SLC52A3: variants seen among roughly 807,000 people sequenced by gnomAD.
SLC52A3 encodes the protein solute carrier family 52 member 3.
A neutral mutation model predicts 29.5 loss-of-function variants in SLC52A3; 20 were observed. The ratio of observed to expected loss-of-function variants is 0.68; its 90% confidence interval spans 0.48 to 0.99. The LOEUF (loss-of-function observed/expected upper bound fraction) is 0.99. SLC52A3 is among the 50% of genes least tolerant of loss of function. SLC52A3 has a pLI of 0.00. For missense variants in SLC52A3, 548 were observed against 612.9 expected, an observed-to-expected ratio of 0.89 and a Z score of 1.12; for synonymous variants, 301 against 271.0, an observed-to-expected ratio of 1.11 and a Z score of -1.09.
In SLC52A3 at chr20:761,187, G is replaced by C; in HGVS notation, c.1249C>G (p.Leu417Val). ...SGCLSYVKVMLGVVLRDLSRS... is the reference protein window; with the variant it reads ...SGCLSYVKVMVGVVLRDLSRS... ...CTGAGGTCGCGCAGGACCACGCCCA[G>C]CATCACCTTGACGTAACTGAGGCAG... is the stretch of plus-strand genomic sequence containing the variant. The change falls in exon 5 of 5, where the codon CTG becomes GTG. Residue 417 changes from leucine to valine, a missense_variant. Around this residue, in one of 2 missense-constraint regions of SLC52A3, gnomAD observed 173 missense variants for 141.8 expected, o/e 1.22. Coordinates refer to ENST00000645534, the MANE Select transcript of SLC52A3 (RefSeq NM_033409.4). 1 of 1,568,478 alleles carries C rather than the reference G, an allele frequency of 6.4e-7. No homozygotes were observed. Among genetic ancestry groups the C allele is most frequent in the Non-Finnish European group, 8.6e-7 (1 of 1,158,312 alleles).
chr20:766,414 G>A (rs1382134167), intron 1 of SLC52A3: 1 of 153,534 alleles, frequency 6.5e-6, no homozygotes, highest in Admixed American at 6.4e-5. Flanking sequence ...CACAGACAAA[G>A]GGCTCATCTT....
At position 761,025 on chromosome 20, in the gene SLC52A3, C is replaced by T. The variant is rs1286371291; in HGVS notation, c.*1G>A. ...CGATGGGGGCGGGGTCGGCGGCCTG[C>T]CTAGGCTGGACAGTGCAGATTGCAG... On this transcript the variant is annotated 3_prime_UTR_variant, in exon 5 of 5. Coordinates refer to ENST00000645534, the MANE Select transcript of SLC52A3 (RefSeq NM_033409.4). 1 of 1,600,990 alleles carries T rather than the reference C, an allele frequency of 6.2e-7. No individual in the cohort carries two copies. Among genetic ancestry groups the T allele is most frequent in the Non-Finnish European group, 8.5e-7 (1 of 1,175,016 alleles).
At chr20:768,176 A>G (rs1176005870) in intron 1 of SLC52A3, 121 bp downstream of exon 1, 1 of 152,224 alleles carries the variant, frequency 6.6e-6, no homozygotes, top group African/African-American at 2.4e-5. Context: ...ACTGATCATT[A>G]TCGTGAAATG....
intron 3 of SLC52A3, among the ~76,000 whole-genome samples, chr20:763,230 T>A (rs1206544997): frequency 6.6e-6 from 1 of 152,240 alleles, no homozygotes; most frequent in Non-Finnish European, 1.5e-5. Flanking sequence ...AAGAGCTTTA[T>A]AGAATCAGCT....
upstream of SLC52A3, among the ~76,000 whole-genome samples, chr20:770,501 T>G (rs1986815516): frequency 6.6e-6 from 1 of 152,250 alleles, no homozygotes; most frequent in Admixed American, 6.5e-5. The surrounding 1 kb of genome is among the most constrained non-coding windows in gnomAD (Gnocchi z 4.5). Flanking sequence ...ATGTAAAAAC[T>G]GTTTTTGAAG....
At position 764,628 on chromosome 20, in the gene SLC52A3, AC is replaced by A. The variant is rs1483472707; in HGVS notation, c.567+579del. 9.8e-5 allele frequency among the ~76,000 whole-genome samples: 15 copies of A among 152,300 alleles called. No individual in the cohort carries two copies. The East Asian group carries it at 2.9e-3, about 29-fold the overall frequency. ...TGACTGTAGGAGGCCAGAATATGCC[AC>A]CCCAAAATTGACCTATTGGCATATT... On this transcript the variant is annotated intron_variant, in intron 2 of 4. Transcript: ENST00000645534.
At chr20:773,432 C>A (rs892648688), upstream of SLC52A3, among the ~76,000 whole-genome samples, 24 of 152,150 alleles carry the variant, frequency 1.6e-4, no homozygotes, top group African/African-American at 5.8e-4. Flanking sequence ...CAGCTGGGAG[C>A]TGAGCTTTAC....
chr20:772,983 G>C (rs558725517), upstream of SLC52A3, among the ~76,000 whole-genome samples: 12 of 152,352 alleles, frequency 7.9e-5, no homozygotes, highest in South Asian at 1.7e-3. Flanking sequence ...TAGGAGGCCA[G>C]TGTGGCCGCA....
intron 1 of SLC52A3, among the ~76,000 whole-genome samples, chr20:766,591 G>A (rs1986692614): frequency 6.6e-6 from 1 of 151,638 alleles, no homozygotes; most frequent in African/African-American, 2.4e-5. Context: ...AGCACCTTGT[G>A]ACCCCCACCC....
At chr20:777,160 C>A (rs1029830889), upstream of SLC52A3, among the ~76,000 whole-genome samples, 1 of 151,808 alleles carries the variant, frequency 6.6e-6, no homozygotes, top group South Asian at 2.1e-4. Context: ...TGCTTGAGCC[C>A]GGGAGGCGGA....
At chr20:762,700 A>G (rs1412928642) in intron 3 of SLC52A3, among the ~76,000 whole-genome samples, 1 of 152,118 alleles carries the variant, frequency 6.6e-6, no homozygotes, top group Non-Finnish European at 1.5e-5. Flanking sequence ...TCCTCTTTCC[A>G]GTTTCTAGGT....
chr20:772,157 G>C (rs1048214922), upstream of SLC52A3, among the ~76,000 whole-genome samples: 1 of 152,258 alleles, frequency 6.6e-6, no homozygotes, highest in African/African-American at 2.4e-5. Flanking sequence ...AGACAGGGCA[G>C]AAGTAGCCTC....
rs2122524311 is a variant in SLC52A3, at chr20:765,253, G to A, written c.522C>T (p.Asp174=). ...TTCVNVTEIS[D]SVPSPVPTRE... is the part of the protein sequence containing the mutation. Reference sequence around the variant, plus strand: ...TCGTGGGTACAGGGCTTGGTACGCTGTCTGATATCTCAGTGACATTGACGC... The same window carrying A: ...TCGTGGGTACAGGGCTTGGTACGCTATCTGATATCTCAGTGACATTGACGC... The change falls in exon 2 of 5, where the codon GAC becomes GAT. Residue 174 remains aspartate (D), a synonymous_variant. Coordinates refer to ENST00000645534, the MANE Select transcript of SLC52A3 (RefSeq NM_033409.4). This position sits in a 1 kb window ranked among gnomAD's most constrained non-coding sequence, Gnocchi z 6.6. The A allele has an allele frequency of 6.2e-7, 1 of 1,614,194 alleles. No individual in the cohort carries two copies. The highest frequency in any genetic ancestry group is 1.3e-5 in the African/African-American group (1 of 75,044).
chr20:777,275 A>AG (rs58819464), upstream of SLC52A3, among the ~76,000 whole-genome samples: 1 of 149,070 alleles, frequency 6.7e-6, no homozygotes, highest in Admixed American at 6.7e-5. Flanking sequence ...CAAAAAACAA[A>AG]AAAAAAACAC....
Position 765,884 on chromosome 20 carries a change from G to T in SLC52A3, c.-51-59C>A. Reference sequence around the variant, plus strand: ...GCTTCACCACCTAGCAAGATGCTGGGACCTGGGGCCCAGAGTTTTCTCTTA... The same window carrying T: ...GCTTCACCACCTAGCAAGATGCTGGTACCTGGGGCCCAGAGTTTTCTCTTA... On this transcript the variant is annotated intron_variant, in intron 1 of 4. Transcript: ENST00000645534. The surrounding 1 kb of genome is among the most constrained non-coding windows in gnomAD (Gnocchi z 6.6). The T allele has an allele frequency of 9.1e-7, 1 of 1,094,332 alleles. No homozygotes were observed. Among genetic ancestry groups the T allele is most frequent in the Non-Finnish European group, 1.4e-6 (1 of 737,128 alleles). 67.8% of individuals were successfully genotyped at this position (1,094,332 alleles called of 1,614,324 possible).
chr20:772,541 C>T (rs575487655), upstream of SLC52A3, among the ~76,000 whole-genome samples: 6 of 150,878 alleles, frequency 4.0e-5, no homozygotes, highest in South Asian at 2.1e-4. Context: ...GGCTGGTGTT[C>T]GGAATGTGTT....
At chr20:766,787 C>T (rs6107897) in intron 1 of SLC52A3, among the ~76,000 whole-genome samples, 29,659 of 152,024 alleles carry the variant, frequency 0.2, 3,268 homozygotes, top group African/African-American at 0.3. Context: ...CACATGGACG[C>T]GCGTGACATT....
At position 760,527 on chromosome 20, in the gene SLC52A3, C is replaced by T. The variant is rs113342250; in HGVS notation, c.*499G>A. 1,803 of 166,942 alleles carry T rather than the reference C, an allele frequency of 0.011. 39 individuals are homozygous for T. Among genetic ancestry groups the T allele is most frequent in the African/African-American group, 0.041 (1,719 of 41,928 alleles). The allele number at this position is 166,942 out of a possible 1,614,324, so 10.3% of individuals were successfully genotyped here. On this transcript the variant is annotated 3_prime_UTR_variant, in exon 5 of 5. Coordinates refer to ENST00000645534, the MANE Select transcript of SLC52A3 (RefSeq NM_033409.4). This position sits in a 1 kb window ranked among gnomAD's most constrained non-coding sequence, Gnocchi z 4.9. ...GTGCAGACTGCCACTCTTGTTACTA[C>T]GATGGACTGTCAGATCAGCAGGTGG...
At chr20:775,310 T>G (rs1986982046) in intron 1 of SLC52A3, among the ~76,000 whole-genome samples, 1 of 148,852 alleles carries the variant, frequency 6.7e-6, no homozygotes, top group Admixed American at 6.7e-5. Flanking sequence ...GATGTCGCTC[T>G]GTCACCCAGG....
Sources: gnomAD v4.1 joint callset for allele counts (sites outside exome capture counted in the v4.1 genomes callset) on GRCh38, gnomAD v4.1.1 for gene constraint, gnomAD v4.1.1 regional missense constraint, Gnocchi (gnomAD v3.1) non-coding constraint, MANE v1.5 for transcripts, NCBI Gene and HGNC (gene_info 2026-07-23, HGNC 2026-07-21) for gene names.